The following RGP1 variants were observed in gnomAD, a reference collection of about 807,000 sequenced individuals.
The protein encoded by RGP1 is RGP1 partner of RAB6A GEF complex, also known as RAB6A-GEF complex partner protein 2.
RGP1 carries 28 observed loss-of-function variants against 44.5 expected under a neutral mutation model. That is an observed-to-expected ratio of 0.63 (90% CI 0.47 to 0.86). The LOEUF is 0.86. Ranked by LOEUF, RGP1 falls within the 40% of genes least tolerant of loss-of-function variation. The probability of loss-of-function intolerance (pLI) is 0.00; values close to 1 mark genes in which losing one functional copy is unlikely to be tolerated. For synonymous variants in RGP1, 212 were observed against 196.7 expected (o/e 1.08, Z -0.65); for missense variants, 417 against 490.7 (o/e 0.85, Z 1.42).
chr9:35,749,456 A>T lies in RGP1; in HGVS notation c.-20+48A>T, dbSNP rs1291085526. 1 of 615,062 alleles carries T rather than the reference A, an allele frequency of 1.6e-6. No homozygotes were observed. Among genetic ancestry groups the T allele is most frequent in the South Asian group, 1.4e-5 (1 of 72,212 alleles). The allele number at this position is 615,062 out of a possible 1,614,324, so 38.1% of individuals were successfully genotyped here. On this transcript the variant is annotated intron_variant, in intron 1 of 8. Coordinates refer to ENST00000378078, the MANE Select transcript of RGP1 (RefSeq NM_001080496.3). This position sits in a 1 kb window ranked among gnomAD's most constrained non-coding sequence, Gnocchi z 4.4. ...GGCTGGGACGTGGAACTTTGAGGAA[A>T]GGGGGAGCGGAGGCCAGTTTGGGAA...
chr9:35,782,144 G>A, the RGP1 span, among the ~76,000 whole-genome samples: 1 of 151,594 alleles, frequency 6.6e-6, no homozygotes, highest in Non-Finnish European at 1.5e-5. Context: ...CTGCCACTAT[G>A]CCCGGCTATT....
the RGP1 span, among the ~76,000 whole-genome samples, chr9:35,777,127 CTTTTTTT>C: frequency 2.7e-4 from 22 of 82,312 alleles, no homozygotes; most frequent in Non-Finnish European, 4.9e-4. Flanking sequence ...AGGTGTTTTT[CTTTTTTT>C]TTTTTTTTTT....
At position 35,754,268 on chromosome 9, in the gene RGP1, C is replaced by T; in HGVS notation, c.*1394C>T. 1 of 1,074,866 alleles carries T rather than the reference C, an allele frequency of 9.3e-7. No homozygotes were observed. Among genetic ancestry groups the T allele is most frequent in the South Asian group, 1.7e-5 (1 of 59,200 alleles). The allele number at this position is 1,074,866 out of a possible 1,614,324, so 66.6% of individuals were successfully genotyped here. ...CTGGGCTCCTGTCTCACACTATCTC[C>T]CTGCCCTCTGCTCTCACAGGCTGGG... On this transcript the variant is annotated 3_prime_UTR_variant, in exon 9 of 9. Coordinates refer to ENST00000378078, the MANE Select transcript of RGP1 (RefSeq NM_001080496.3).
intron 6 of RGP1, 24 bp downstream of exon 6, chr9:35,751,436 C>T: frequency 6.2e-7 from 1 of 1,613,362 alleles, no homozygotes; most frequent in Non-Finnish European, 8.5e-7. Flanking sequence ...CAGAATTGTC[C>T]TACCCCATCC....
At chr9:35,771,705 T>G in the RGP1 span, among the ~76,000 whole-genome samples, 6 of 152,202 alleles carry the variant, frequency 3.9e-5, no homozygotes, top group African/African-American at 1.4e-4. Flanking sequence ...CTGGCTGTAA[T>G]CCAGCTGGCT....
At position 35,750,824 on chromosome 9, in the gene RGP1, A is replaced by G. The variant is rs774523626; in HGVS notation, c.338-16A>G. On this transcript the variant is annotated splice_polypyrimidine_tract_variant and intron_variant, in intron 4 of 8. Transcript: ENST00000378078. Reference sequence around the variant, plus strand: ...TCTGGTGCCTCTGGCTGTCCTGACAACTACTTCCCAACCAGACTCCTACAG... The same window carrying G: ...TCTGGTGCCTCTGGCTGTCCTGACAGCTACTTCCCAACCAGACTCCTACAG... 5.6e-6 allele frequency: 9 copies of G among 1,613,888 alleles called. No individual in the cohort carries two copies. The highest frequency in any genetic ancestry group is 5.9e-6 in the Non-Finnish European group (7 of 1,179,840).
chr9:35,786,936 A>G, the RGP1 span, among the ~76,000 whole-genome samples: 1 of 149,954 alleles, frequency 6.7e-6, no homozygotes, highest in Admixed American at 6.6e-5. Context: ...TCTACTAAAA[A>G]TACAAAAAAA....
the RGP1 span, among the ~76,000 whole-genome samples, chr9:35,775,773 CTT>C: frequency 7.9e-5 from 12 of 152,142 alleles, no homozygotes; most frequent in Non-Finnish European, 2.9e-5. Context: ...CAAGCAAACT[CTT>C]TTAAAAAAAT....
chr9:35,787,078 C>T, the RGP1 span, among the ~76,000 whole-genome samples: 36 of 147,296 alleles, frequency 2.4e-4, no homozygotes, highest in Non-Finnish European at 4.2e-4. Context: ...GTAGCCTGGG[C>T]GACAGTGTAA....
chr9:35,750,434 G>A lies in RGP1; in HGVS notation c.253+55G>A, dbSNP rs1827228857. On this transcript the variant is annotated intron_variant, in intron 3 of 8. Transcript: ENST00000378078. ...GGGGGTGCGGAGGGTGTGTGTGGAG[G>A]CATTGTCACCCATGGGTGAAGTTGT... 4 of 1,583,564 alleles carry A rather than the reference G, an allele frequency of 2.5e-6. No homozygotes were observed. In the Admixed American group the frequency reaches 5.1e-5, roughly 20 times the overall value.
chr9:35,771,390 G>A, the RGP1 span, among the ~76,000 whole-genome samples: 9 of 152,006 alleles, frequency 5.9e-5, no homozygotes, highest in Non-Finnish European at 2.9e-5. Context: ...CTTCTCTCCC[G>A]TTTTGCTTTT....
chr9:35,751,788 G>T (rs1827269822), intron 7 of RGP1, 34 bp downstream of exon 7: 2 of 1,613,234 alleles, frequency 1.2e-6, no homozygotes, highest in African/African-American at 1.3e-5. Flanking sequence ...ACCTGCTGGG[G>T]TGCTGGGGTT....
chr9:35,753,301 G>C lies in RGP1; in HGVS notation c.*427G>C. The C allele has an allele frequency of 6.2e-7, 1 of 1,609,934 alleles. No individual in the cohort carries two copies. Among genetic ancestry groups the C allele is most frequent in the Non-Finnish European group, 8.5e-7 (1 of 1,179,240 alleles). Reference sequence around the variant, plus strand: ...GGGACCTGGGGAACCAAGGATAGGGGAAGGAGTCAGCACAGTGAAAGGCTG... The same window carrying C: ...GGGACCTGGGGAACCAAGGATAGGGCAAGGAGTCAGCACAGTGAAAGGCTG... On this transcript the variant is annotated 3_prime_UTR_variant, in exon 9 of 9. Coordinates refer to ENST00000378078, the MANE Select transcript of RGP1 (RefSeq NM_001080496.3). This position sits in a 1 kb window ranked among gnomAD's most constrained non-coding sequence, Gnocchi z 4.2.
chr9:35,775,021 C>T, the RGP1 span, among the ~76,000 whole-genome samples: 1 of 152,074 alleles, frequency 6.6e-6, no homozygotes, highest in Non-Finnish European at 1.5e-5. Flanking sequence ...CTCCTGTGTT[C>T]CTTTGGGAGA....
rs1827356292 is a variant in RGP1 at position 35,756,181 on chromosome 9, G to C, written c.*3307G>C. On this transcript the variant is annotated 3_prime_UTR_variant, in exon 9 of 9. Coordinates refer to ENST00000378078, the MANE Select transcript of RGP1 (RefSeq NM_001080496.3). ...CCACACTTCAAAGACCCATGTTCTA[G>C]GTATTCTCCATAGGGATAGTCTCTT... 1 of 152,214 alleles carries C rather than the reference G, an allele frequency of 6.6e-6. No homozygotes were observed. 9.4% of individuals were successfully genotyped at this position (152,214 alleles called of 1,614,324 possible). A position where few individuals can be genotyped will look rare whatever the true frequency, so the allele number is the denominator to read the frequency against.
the RGP1 span, among the ~76,000 whole-genome samples, chr9:35,768,737 G>A: frequency 6.6e-6 from 1 of 152,168 alleles, no homozygotes; most frequent in Non-Finnish European, 1.5e-5. Context: ...CTCAAGGGTT[G>A]CAACTTTTTC....
At chr9:35,765,843 T>C in the RGP1 span, among the ~76,000 whole-genome samples, 2 of 151,052 alleles carry the variant, frequency 1.3e-5, no homozygotes, top group African/African-American at 4.9e-5. Context: ...TTCTTTTTTT[T>C]TTTTTTTATG....
the RGP1 span, among the ~76,000 whole-genome samples, chr9:35,786,000 C>T: frequency 6.6e-6 from 1 of 152,162 alleles, no homozygotes; most frequent in African/African-American, 2.4e-5. Context: ...TCTTACATCG[C>T]CACTGCTTAG....
rs1213942234 is a variant in RGP1, at chr9:35,753,386, A to G, written c.*512A>G. 8.5e-6 allele frequency: 11 copies of G among 1,287,908 alleles called. No individual in the cohort carries two copies. Among genetic ancestry groups the G allele is most frequent in the Non-Finnish European group, 1.2e-5 (11 of 936,372 alleles). 79.8% of individuals were successfully genotyped at this position (1,287,908 alleles called of 1,614,324 possible). A position where few individuals can be genotyped will look rare whatever the true frequency, so the allele number is the denominator to read the frequency against. On this transcript the variant is annotated 3_prime_UTR_variant, in exon 9 of 9. Transcript: ENST00000378078. The surrounding 1 kb of genome is among the most constrained non-coding windows in gnomAD (Gnocchi z 4.2). Reference sequence around the variant, plus strand: ...GTTTTCCCCCCACAGAGCCCCTTTCAGTGGCCCCTTGGTCCTCCTAACTAA... The same window carrying G: ...GTTTTCCCCCCACAGAGCCCCTTTCGGTGGCCCCTTGGTCCTCCTAACTAA...
Sources: allele counts gnomAD v4.1 joint callset (sites outside exome capture counted in the v4.1 genomes callset), GRCh38; gene constraint gnomAD v4.1.1; non-coding constraint Gnocchi (gnomAD v3.1); transcripts MANE v1.5; gene names NCBI Gene and HGNC (gene_info 2026-07-23, HGNC 2026-07-21).